LRBA: variants seen among roughly 807,000 people sequenced by gnomAD.
LRBA encodes the protein LPS responsive beige-like anchor protein.
In LRBA, 176 loss-of-function variants were observed where a neutral mutation model predicts 330.0. The observed-to-expected ratio is 0.53, with a 90% CI of 0.47 to 0.60. LRBA has a LOEUF of 0.60. LRBA is among the 20% of genes least tolerant of loss of function. The pLI, the probability that LRBA is intolerant of heterozygous loss-of-function variation, is 0.00. For missense variants in LRBA, 3,259 were observed against 3,444.8 expected (o/e 0.95, Z 1.35); for synonymous variants, 1,230 against 1,193.0 (o/e 1.03, Z -0.64).
At chr4:150,282,755 A>G in intron 54 of LRBA, 109 bp from the exon 55 acceptor site, 1 of 762,312 alleles carries the variant, frequency 1.3e-6, no homozygotes, top group Non-Finnish European at 2.0e-6. Flanking sequence ...CTATAGATGT[A>G]GAAAGCCTTT....
At chr4:150,337,419 A>G (rs1319729442) in intron 48 of LRBA, among the ~76,000 whole-genome samples, 1 of 152,240 alleles carries the variant, frequency 6.6e-6, no homozygotes, top group Non-Finnish European at 1.5e-5. Context: ...AATAATGAGC[A>G]AAATACAAAG....
At position 150,456,184 on chromosome 4, in the gene LRBA, C is replaced by T. The variant is rs1052923186; in HGVS notation, c.6780+11489G>A. 4.6e-5 allele frequency among the ~76,000 whole-genome samples: 7 copies of T among 152,050 alleles called. 1 individual carries two copies. Among genetic ancestry groups the T allele is most frequent in the Non-Finnish European group, 7.4e-5 (5 of 67,984 alleles). ...ACTGATTTCCTTTCTTTAGGGTATA[C>T]ACCTAGAAGTGGAATTGTTGGATCA... On this transcript the variant is annotated intron_variant, in intron 44 of 56. Coordinates refer to ENST00000651943, the MANE Select transcript of LRBA (RefSeq NM_001364905.1).
At chr4:150,670,202 G>A (rs1438004240) in intron 37 of LRBA, among the ~76,000 whole-genome samples, 3 of 152,064 alleles carry the variant, frequency 2.0e-5, no homozygotes, top group African/African-American at 7.2e-5. Flanking sequence ...CAGTACTGTG[G>A]TGTCTGCCAA....
intron 48 of LRBA, among the ~76,000 whole-genome samples, chr4:150,340,594 C>T (rs1264787706): frequency 6.6e-6 from 1 of 152,158 alleles, no homozygotes; most frequent in Non-Finnish European, 1.5e-5. Context: ...CTTGGCCTCC[C>T]AAAGCATTGG....
chr4:150,897,591 C>T lies in LRBA; in HGVS notation c.2004+148G>A, dbSNP rs991588210. On this transcript the variant is annotated intron_variant, in intron 15 of 56. Transcript: ENST00000651943. ...ATCCATATAGGCTCCAAAAAAGAAC[C>T]AAAACAAACATGGAAATATCTTTCA... 8 of 586,524 alleles carry T rather than the reference C, an allele frequency of 1.4e-5. No homozygotes were observed. The East Asian group carries it at 1.4e-4, about 10-fold the overall frequency. The allele number at this position is 586,524 out of a possible 1,614,324, so 36.3% of individuals were successfully genotyped here. A position where few individuals can be genotyped will look rare whatever the true frequency, so the allele number is the denominator to read the frequency against.
At chr4:150,416,760 C>T (rs894905296) in intron 46 of LRBA, among the ~76,000 whole-genome samples, 12 of 151,660 alleles carry the variant, frequency 7.9e-5, no homozygotes, top group Non-Finnish European at 1.8e-4. Flanking sequence ...AAGAGGAAAA[C>T]ACAGGTGTGT....
At chr4:150,598,911 G>A in intron 38 of LRBA, 96 bp downstream of exon 38, 1 of 1,426,598 alleles carries the variant, frequency 7.0e-7, no homozygotes, top group Non-Finnish European at 9.6e-7. Context: ...ATGTGGTGTT[G>A]GACCATTTTA....
intron 2 of LRBA, among the ~76,000 whole-genome samples, chr4:150,997,948 C>T (rs533876971): frequency 4.5e-4 from 68 of 152,248 alleles, no homozygotes; most frequent in Admixed American, 1.4e-3. Flanking sequence ...AAGTGATCCG[C>T]CCACCTCGGC....
chr4:150,830,669 G>C (rs1462285017), intron 29 of LRBA, among the ~76,000 whole-genome samples: 1 of 151,954 alleles, frequency 6.6e-6, no homozygotes, highest in Non-Finnish European at 1.5e-5. Context: ...ACTAAGTGCA[G>C]GGTAAGGTAT....
chr4:150,734,438 G>T (rs544168405), intron 36 of LRBA, among the ~76,000 whole-genome samples: 1 of 151,976 alleles, frequency 6.6e-6, no homozygotes, highest in Non-Finnish European at 1.5e-5. Context: ...ATAATTTTCA[G>T]ATTTGCTGGT....
intron 48 of LRBA, among the ~76,000 whole-genome samples, chr4:150,334,069 T>C (rs571897403): frequency 6.6e-6 from 1 of 152,272 alleles, no homozygotes; most frequent in South Asian, 2.1e-4. Context: ...TTAATAGTTT[T>C]TAGTTGTCAG....
At chr4:150,518,250 C>G (rs1762569648) in intron 40 of LRBA, among the ~76,000 whole-genome samples, 1 of 152,200 alleles carries the variant, frequency 6.6e-6, no homozygotes, top group South Asian at 2.1e-4. Context: ...AAGCAACTAA[C>G]AGCAGGTAGT....
In LRBA at chr4:150,798,093, T is replaced by C. The variant is rs761854845; in HGVS notation, c.5568A>G (p.Leu1856=). ...TCTTGCCACTCACCTGAGAACACAGTAGCATAACCAATTCCACAACTGAAC... is the reference window on the plus strand; with the variant it reads ...TCTTGCCACTCACCTGAGAACACAGCAGCATAACCAATTCCACAACTGAAC... ...SSSSVVELVM[L]LCSQEWQNSI... Residue 1856 remains leucine (L), a synonymous_variant, in exon 34 of 57, where the codon CTA becomes CTG. Coordinates refer to ENST00000651943, the MANE Select transcript of LRBA (RefSeq NM_001364905.1). 6 of 1,606,330 alleles carry C rather than the reference T, an allele frequency of 3.7e-6. No individual in the cohort carries two copies. In the East Asian group the frequency reaches 8.9e-5, roughly 24 times the overall value.
At chr4:150,514,973 C>T (rs546917696) in intron 40 of LRBA, among the ~76,000 whole-genome samples, 5 of 152,134 alleles carry the variant, frequency 3.3e-5, no homozygotes, top group African/African-American at 1.2e-4. Flanking sequence ...ACCTTTATCT[C>T]GCCTTAAACT....
chr4:150,435,508 T>G, intron 46 of LRBA, 81 bp downstream of exon 46: 9 of 1,316,450 alleles, frequency 6.8e-6, no homozygotes, highest in Non-Finnish European at 9.5e-6. Flanking sequence ...TAGGGCTGTA[T>G]GGCAGTAGAG....
chr4:150,673,679 T>C (rs1365807762), intron 37 of LRBA, among the ~76,000 whole-genome samples: 3 of 152,190 alleles, frequency 2.0e-5, no homozygotes, highest in African/African-American at 4.8e-5. Flanking sequence ...ATCATGACAC[T>C]TCAACCTTTA....
intron 44 of LRBA, among the ~76,000 whole-genome samples, chr4:150,453,103 T>C (rs1753593720): frequency 6.6e-6 from 1 of 152,168 alleles, no homozygotes; most frequent in Admixed American, 6.5e-5. Context: ...TCAATATTCT[T>C]AGTACTTTAT....
At chr4:150,716,606 T>G (rs558825156) in intron 36 of LRBA, among the ~76,000 whole-genome samples, 18 of 152,170 alleles carry the variant, frequency 1.2e-4, no homozygotes, top group Non-Finnish European at 2.6e-4. Flanking sequence ...TTTTTATAAT[T>G]AGAAAAATAA....
chr4:150,616,865 T>TA (rs1775816851), intron 37 of LRBA, among the ~76,000 whole-genome samples: 1 of 152,098 alleles, frequency 6.6e-6, no homozygotes, highest in Non-Finnish European at 1.5e-5. Flanking sequence ...TTTTACAACA[T>TA]AAAGAGATTC....
Sources: gnomAD v4.1 joint callset for allele counts (sites outside exome capture counted in the v4.1 genomes callset) on GRCh38, gnomAD v4.1.1 for gene constraint, MANE v1.5 for transcripts, NCBI Gene and HGNC (gene_info 2026-07-23, HGNC 2026-07-21) for gene names.